ADCY5: variants seen among roughly 807,000 people sequenced by gnomAD.
The protein encoded by ADCY5 is adenylate cyclase 5.
In ADCY5, 30 loss-of-function variants were observed where a neutral mutation model predicts 119.7. The observed-to-expected ratio is 0.25, with a 90% CI of 0.19 to 0.34. The LOEUF (loss-of-function observed/expected upper bound fraction) is 0.34, where lower values mean the gene tolerates loss of function less well. Ranked by LOEUF, ADCY5 falls within the 10% of genes least tolerant of loss-of-function variation. The pLI is 1.00. For synonymous variants in ADCY5, 753 were observed against 762.2 expected, an observed-to-expected ratio of 0.99 and a Z score of 0.20; for missense variants, 1,324 against 1,775.2, an observed-to-expected ratio of 0.75 and a Z score of 4.57.
rs113476013 is a variant in ADCY5, at chr3:123,421,244, G to A, written c.1134+26168C>T. Among the ~76,000 whole-genome samples the A allele has an allele frequency of 3.7e-4, 57 of 152,256 alleles. 1 individual carries two copies. The highest frequency in any genetic ancestry group is 1.3e-3 in the African/African-American group (53 of 41,554). ...GAGTAAATCTTCGTAGGGTTTACCA[G>A]GTGCTACACACTATTATAAGCATGT... On this transcript the variant is annotated intron_variant, in intron 1 of 20. Transcript: ENST00000462833.
At chr3:123,412,924 C>T (rs535580335) in intron 1 of ADCY5, among the ~76,000 whole-genome samples, 50 of 152,318 alleles carry the variant, frequency 3.3e-4, no homozygotes, top group Middle Eastern at 6.8e-3. Flanking sequence ...CGTCCCTCTC[C>T]CGGCACAGAT....
intron 12 of ADCY5, among the ~76,000 whole-genome samples, chr3:123,304,960 G>A (rs567885016): frequency 6.3e-4 from 96 of 152,228 alleles, no homozygotes; most frequent in African/African-American, 2.3e-3. Flanking sequence ...GCCAAGCAGA[G>A]GATCCAGGAT....
At chr3:123,365,531 T>C (rs1943405472) in intron 1 of ADCY5, among the ~76,000 whole-genome samples, 1 of 152,182 alleles carries the variant, frequency 6.6e-6, no homozygotes, top group Non-Finnish European at 1.5e-5. Context: ...AAGGAGTATT[T>C]GAGCCTGGGT....
chr3:123,333,098 G>A (rs1281430839), intron 3 of ADCY5, among the ~76,000 whole-genome samples: 1 of 152,082 alleles, frequency 6.6e-6, no homozygotes, highest in Non-Finnish European at 1.5e-5. Context: ...TATTAGGTGG[G>A]GCCTTTGAAA....
rs1435073763 is a variant in ADCY5 at position 123,283,627 on chromosome 3, AAC to A, written c.*979_*980del. The A allele has an allele frequency of 2.8e-4, 42 of 152,348 alleles. No homozygotes were observed. The highest frequency in any genetic ancestry group is 9.1e-4 in the African/African-American group (38 of 41,556). The allele number at this position is 152,348 out of a possible 1,614,324, so 9.4% of individuals were successfully genotyped here. On this transcript the variant is annotated 3_prime_UTR_variant, in exon 21 of 21. Coordinates refer to ENST00000462833, the MANE Select transcript of ADCY5 (RefSeq NM_183357.3). The stretch of plus-strand genomic sequence containing the variant: ...AAACTGCCAAATCTGAAATGAGGGA[AAC>A]ACATCCTGTGTGAGACCAGTTCCAC...
At position 123,352,481 on chromosome 3, in the gene ADCY5, C is replaced by T; in HGVS notation, c.1235G>A (p.Arg412Gln). ...VSQRQAFQET[R>Q]ECIQARLHSQ... Reference sequence around the variant, plus strand: ...GTGGAGCCGCGCCTGGATGCACTCTCGGGTCTCCTGGAAAGCCTGTCTCTG... The same window carrying T: ...GTGGAGCCGCGCCTGGATGCACTCTTGGGTCTCCTGGAAAGCCTGTCTCTG... Residue 412 changes from arginine (R) to glutamine (Q), a missense_variant, in exon 2 of 21, where the codon CGA (arginine) becomes CAA (glutamine). Coordinates refer to ENST00000462833, the MANE Select transcript of ADCY5 (RefSeq NM_183357.3). This position sits in a 1 kb window ranked among gnomAD's most constrained non-coding sequence, Gnocchi z 4.8. The T allele has an allele frequency of 6.2e-7, 1 of 1,613,934 alleles. No individual in the cohort carries two copies. The highest frequency in any genetic ancestry group is 8.5e-7 in the Non-Finnish European group (1 of 1,179,968).
At chr3:123,335,434 G>A (rs189892091) in intron 3 of ADCY5, among the ~76,000 whole-genome samples, 1 of 152,248 alleles carries the variant, frequency 6.6e-6, no homozygotes, top group East Asian at 1.9e-4. Context: ...TAACTCGTTC[G>A]CACCTCATAA....
chr3:123,355,361 C>T (rs1347963482), intron 1 of ADCY5, among the ~76,000 whole-genome samples: 1 of 152,180 alleles, frequency 6.6e-6, no homozygotes, highest in African/African-American at 2.4e-5. Context: ...TCTGTATCTA[C>T]AGGTTTTGCA....
chr3:123,378,130 C>G (rs1943904198), intron 1 of ADCY5, among the ~76,000 whole-genome samples: 1 of 152,074 alleles, frequency 6.6e-6, no homozygotes, highest in South Asian at 2.1e-4. Context: ...CACCATGAGC[C>G]CAGAAACCGT....
chr3:123,356,794 CTCA>C (rs1576617686), intron 1 of ADCY5, among the ~76,000 whole-genome samples: 1 of 152,094 alleles, frequency 6.6e-6, no homozygotes, highest in Non-Finnish European at 1.5e-5. Context: ...TCAGCAATTT[CTCA>C]TCAAGTTAAA....
At chr3:123,307,866 G>A (rs1940283139) in intron 12 of ADCY5, among the ~76,000 whole-genome samples, 1 of 151,956 alleles carries the variant, frequency 6.6e-6, no homozygotes, top group Non-Finnish European at 1.5e-5. Flanking sequence ...ATGGGACCAG[G>A]AGCCCCACAA....
chr3:123,318,780 A>G (rs1025363848), intron 10 of ADCY5, among the ~76,000 whole-genome samples: 3 of 152,186 alleles, frequency 2.0e-5, no homozygotes, highest in Non-Finnish European at 4.4e-5. Context: ...ATGCTGCCAC[A>G]AAGTCCAAAG....
At chr3:123,310,232 C>A (rs369225620) in intron 12 of ADCY5, among the ~76,000 whole-genome samples, 31 of 151,332 alleles carry the variant, frequency 2.0e-4, no homozygotes, top group African/African-American at 7.5e-4. Context: ...TTCTAATGAG[C>A]CACAGTAAGG....
intron 15 of ADCY5, among the ~76,000 whole-genome samples, chr3:123,298,681 A>G (rs1227791345): frequency 6.6e-6 from 1 of 152,160 alleles, no homozygotes; most frequent in Admixed American, 6.5e-5. Flanking sequence ...TTGTACCTCC[A>G]CTGCCTAGCT....
intron 1 of ADCY5, among the ~76,000 whole-genome samples, chr3:123,431,822 A>G (rs930085960): frequency 6.6e-6 from 1 of 152,080 alleles, no homozygotes; most frequent in South Asian, 2.1e-4. Flanking sequence ...ACCACAATAA[A>G]CCCCTTAGAT....
chr3:123,317,214 C>T (rs1043827747), intron 11 of ADCY5, among the ~76,000 whole-genome samples: 5 of 152,272 alleles, frequency 3.3e-5, no homozygotes, highest in South Asian at 4.1e-4. Flanking sequence ...TAGGCTTTGT[C>T]GGAGACACAG....
intron 11 of ADCY5, 104 bp downstream of exon 11, chr3:123,317,916 G>A (rs1941008370): frequency 2.9e-6 from 3 of 1,051,674 alleles, no homozygotes; most frequent in South Asian, 1.4e-5. Flanking sequence ...CTGAGCAAGT[G>A]CAGGCCAGAC....
intron 1 of ADCY5, among the ~76,000 whole-genome samples, chr3:123,357,965 C>T (rs543099441): frequency 1.3e-5 from 2 of 152,226 alleles, no homozygotes; most frequent in South Asian, 4.1e-4. Context: ...CCCCTTCTTA[C>T]ACCCCCATAA....
At chr3:123,335,316 A>T (rs1941967414) in intron 3 of ADCY5, among the ~76,000 whole-genome samples, 1 of 152,134 alleles carries the variant, frequency 6.6e-6, no homozygotes, top group Non-Finnish European at 1.5e-5. Flanking sequence ...CCTCGTGGGA[A>T]CTGTGAGTGA....
Sources: gnomAD v4.1 joint callset for allele counts (sites outside exome capture counted in the v4.1 genomes callset) on GRCh38, gnomAD v4.1.1 for gene constraint, Gnocchi (gnomAD v3.1) non-coding constraint, MANE v1.5 for transcripts, NCBI Gene and HGNC (gene_info 2026-07-23, HGNC 2026-07-21) for gene names.